Variants in DSG2 observed in about 807,000 individuals in gnomAD.
DSG2 encodes the protein desmoglein-2.
DSG2 carries 45 observed loss-of-function variants against 75.6 expected under a neutral mutation model. That is an observed-to-expected ratio of 0.60 (90% CI 0.47 to 0.76). DSG2 has a LOEUF of 0.76. DSG2 is among the 30% of genes least tolerant of loss of function. The pLI, the probability that DSG2 is intolerant of heterozygous loss-of-function variation, is 0.00. For missense variants in DSG2, 1,267 were observed against 1,357.4 expected (o/e 0.93, Z 1.05); for synonymous variants, 429 against 483.9 (o/e 0.89, Z 1.49).
intron 11 of DSG2, among the ~76,000 whole-genome samples, chr18:31,538,117 A>G (rs1401399606): frequency 6.6e-6 from 1 of 152,180 alleles, no homozygotes; most frequent in Non-Finnish European, 1.5e-5. Context: ...CTTTAAAAAA[A>G]AGAAAAAGTG....
At chr18:31,527,574 G>A (rs1194481091) in intron 8 of DSG2, among the ~76,000 whole-genome samples, 4 of 152,096 alleles carry the variant, frequency 2.6e-5, no homozygotes, top group South Asian at 2.1e-4. Flanking sequence ...GGCAGCAATC[G>A]GATTCCATCG....
chr18:31,498,828 A>G (rs1203206884), intron 1 of DSG2, among the ~76,000 whole-genome samples: 1 of 152,186 alleles, frequency 6.6e-6, no homozygotes, highest in Non-Finnish European at 1.5e-5. Context: ...AAAAGGTGTA[A>G]TTTACAAAGC....
chr18:31,540,047 G>A (rs2073256459), intron 12 of DSG2, among the ~76,000 whole-genome samples: 1 of 151,950 alleles, frequency 6.6e-6, no homozygotes, highest in African/African-American at 2.4e-5. Flanking sequence ...AGAAAAATAA[G>A]TTCAGGGCTC....
intron 1 of DSG2, among the ~76,000 whole-genome samples, chr18:31,500,036 T>TAAAAAAAA (rs10625787): frequency 9.0e-6 from 1 of 110,996 alleles, no homozygotes; most frequent in Non-Finnish European, 1.8e-5. Context: ...AGTTTTTTGG[T>TAAAAAAAA]AAAAAAAAAA....
At chr18:31,504,659 G>T (rs1555670109) in intron 1 of DSG2, among the ~76,000 whole-genome samples, 1 of 152,188 alleles carries the variant, frequency 6.6e-6, no homozygotes, top group Non-Finnish European at 1.5e-5. Context: ...TTAGGACAGT[G>T]TGCATGTGGA....
chr18:31,522,125 C>T lies in DSG2; in HGVS notation c.566C>T (p.Pro189Leu), dbSNP rs1444212071. The change falls in exon 6 of 15, where the codon CCC becomes CTC. Residue 189 changes from proline to leucine, a missense_variant. Pro to Leu is a moderately conservative substitution (Grantham distance 98). Transcript: ENST00000261590. ...MKINATDADE[P>L]NTLNSKISYR... The stretch of plus-strand genomic sequence containing the variant: ...ATCAATGCAACAGATGCAGATGAGC[C>T]CAATACCCTGAATTCGAAAATTTCC... 6.2e-7 allele frequency: 1 copy of T among 1,613,758 alleles called. No homozygotes were observed. Among genetic ancestry groups the T allele is most frequent in the Non-Finnish European group, 8.5e-7 (1 of 1,179,798 alleles).
intron 1 of DSG2, among the ~76,000 whole-genome samples, chr18:31,510,712 T>C (rs1023830325): frequency 2.3e-4 from 35 of 152,192 alleles, no homozygotes; most frequent in Non-Finnish European, 4.7e-4. Context: ...AATAAAATAC[T>C]TTTTTTAGAG....
intron 8 of DSG2, among the ~76,000 whole-genome samples, chr18:31,530,574 T>C (rs1383715956): frequency 6.6e-6 from 1 of 152,058 alleles, no homozygotes; most frequent in Admixed American, 6.5e-5. Context: ...CGAGCTATCA[T>C]GCACAGCTAA....
chr18:31,531,950 G>A (rs929272203), intron 9 of DSG2, among the ~76,000 whole-genome samples: 11 of 152,168 alleles, frequency 7.2e-5, no homozygotes, highest in African/African-American at 2.7e-4. Context: ...CTACAGAGCT[G>A]TTATTTATGG....
At chr18:31,514,857 T>A (rs1416179864) in intron 1 of DSG2, among the ~76,000 whole-genome samples, 1 of 152,212 alleles carries the variant, frequency 6.6e-6, no homozygotes, top group African/African-American at 2.4e-5. Context: ...ATATGATGAA[T>A]TTACGTTTGA....
chr18:31,523,286 A>C (rs983805458), intron 6 of DSG2, among the ~76,000 whole-genome samples: 1 of 152,172 alleles, frequency 6.6e-6, no homozygotes, highest in African/African-American at 2.4e-5. Flanking sequence ...CTGTAGTCCC[A>C]GCTACTCGGG....
chr18:31,536,816 C>T (rs2073233866), intron 11 of DSG2, among the ~76,000 whole-genome samples: 1 of 152,200 alleles, frequency 6.6e-6, no homozygotes, highest in African/African-American at 2.4e-5. Context: ...GCTAGCCCAC[C>T]CTATGTATTA....
intron 1 of DSG2, among the ~76,000 whole-genome samples, chr18:31,499,677 T>C (rs2073004063): frequency 6.6e-6 from 1 of 152,164 alleles, no homozygotes; most frequent in African/African-American, 2.4e-5. Context: ...CCCAAGCTAA[T>C]GTAACACCTA....
At chr18:31,510,131 A>G (rs1186479667) in intron 1 of DSG2, among the ~76,000 whole-genome samples, 1 of 152,268 alleles carries the variant, frequency 6.6e-6, no homozygotes, top group African/African-American at 2.4e-5. Context: ...TGAGGTGGGC[A>G]TGAATTTAAA....
intron 8 of DSG2, among the ~76,000 whole-genome samples, chr18:31,528,776 A>G (rs554638190): frequency 8.5e-5 from 13 of 152,136 alleles, no homozygotes; most frequent in African/African-American, 2.9e-4. Flanking sequence ...AATAGTACAT[A>G]TTACATGATT....
intron 11 of DSG2, among the ~76,000 whole-genome samples, chr18:31,537,377 T>A (rs1031724985): frequency 1.3e-5 from 2 of 152,172 alleles, no homozygotes; most frequent in African/African-American, 2.4e-5. Context: ...CCCAGCACTT[T>A]GGGAGGCCAA....
intron 9 of DSG2, among the ~76,000 whole-genome samples, chr18:31,531,702 C>G (rs16962068): frequency 6.6e-6 from 1 of 152,172 alleles, no homozygotes; most frequent in Non-Finnish European, 1.5e-5. Context: ...GGGAATGAAT[C>G]TTCATTTAAA....
chr18:31,524,958 C>G, intron 8 of DSG2, 70 bp downstream of exon 8: 3 of 1,430,316 alleles, frequency 2.1e-6, no homozygotes, highest in Non-Finnish European at 3.0e-6. Context: ...ATATTTTGAG[C>G]CCTGAACACT....
At chr18:31,511,765 A>C (rs1237874309) in intron 1 of DSG2, among the ~76,000 whole-genome samples, 1 of 152,194 alleles carries the variant, frequency 6.6e-6, no homozygotes, top group Non-Finnish European at 1.5e-5. Context: ...AGAAAAGTGC[A>C]CATATCACGA....
Sources: gnomAD v4.1 joint callset for allele counts (sites outside exome capture counted in the v4.1 genomes callset) on GRCh38, gnomAD v4.1.1 for gene constraint, MANE v1.5 for transcripts, NCBI Gene and HGNC (gene_info 2026-07-23, HGNC 2026-07-21) for gene names.